CADM2: variants seen among roughly 807,000 people sequenced by gnomAD.
The protein encoded by CADM2 is cell adhesion molecule 2.
A neutral mutation model predicts 49.8 loss-of-function variants in CADM2; 12 were observed. That is an observed-to-expected ratio of 0.24 (90% confidence interval 0.15 to 0.39). The LOEUF (loss-of-function observed/expected upper bound fraction) is 0.39, where lower values mean the gene tolerates loss of function less well. Among genes scored for constraint, CADM2 ranks in the 10% least tolerant of loss-of-function variants. The probability of loss-of-function intolerance (pLI) is 1.00; values close to 1 mark genes in which losing one functional copy is unlikely to be tolerated. For missense variants in CADM2, 378 were observed against 492.3 expected (o/e 0.77, Z 2.20); for synonymous variants, 214 against 175.4 (o/e 1.22, Z -1.74).
intron 1 of CADM2, among the ~76,000 whole-genome samples, chr3:85,447,819 T>C (rs1188307314): frequency 1.3e-5 from 2 of 152,192 alleles, no homozygotes; most frequent in African/African-American, 4.8e-5. Flanking sequence ...TCCATCTCTA[T>C]GCAATTCTGG....
Position 85,685,615 on chromosome 3 carries a change from CTTTTTT to C in CADM2, c.62-40892_62-40887del, listed in dbSNP as rs59277971. On this transcript the variant is annotated intron_variant, in intron 1 of 9. Transcript: ENST00000383699. ...AACAATTGAAACATTTTCTTTCTTT[CTTTTTT>C]TTTTTTTTTTTTTTGTTTTTAAGAC... Among the ~76,000 whole-genome samples the C allele has an allele frequency of 5.5e-3, 666 of 122,006 alleles. 4 individuals are homozygous for C. The highest frequency in any genetic ancestry group is 0.019 in the African/African-American group (646 of 34,134). 80.0% of individuals were successfully genotyped at this position (122,006 alleles called of 152,430 possible). A position where few individuals can be genotyped will look rare whatever the true frequency, so the allele number is the denominator to read the frequency against.
At chr3:85,250,183 A>G (rs1326761331) in intron 1 of CADM2, among the ~76,000 whole-genome samples, 1 of 151,686 alleles carries the variant, frequency 6.6e-6, no homozygotes, top group East Asian at 1.9e-4. Flanking sequence ...TTGCTGAGTA[A>G]AATATTTTCA....
chr3:85,337,323 A>T (rs1411164788), intron 1 of CADM2, among the ~76,000 whole-genome samples: 1 of 151,202 alleles, frequency 6.6e-6, no homozygotes, highest in Non-Finnish European at 1.5e-5. Flanking sequence ...GGGCAAAAAG[A>T]AAGACAATTT....
At chr3:85,923,127 C>A (rs980419681) in intron 6 of CADM2, among the ~76,000 whole-genome samples, 7 of 151,882 alleles carry the variant, frequency 4.6e-5, no homozygotes, top group Non-Finnish European at 1.0e-4. Flanking sequence ...CCGGCCGAAA[C>A]TAAAATATAT....
intron 1 of CADM2, among the ~76,000 whole-genome samples, chr3:85,286,721 C>T (rs1431893821): frequency 6.6e-6 from 1 of 152,074 alleles, no homozygotes; most frequent in Non-Finnish European, 1.5e-5. Flanking sequence ...TTTGATTATG[C>T]AAGCCAAATA....
chr3:85,528,571 T>G (rs1289324937), intron 1 of CADM2, among the ~76,000 whole-genome samples: 1 of 152,206 alleles, frequency 6.6e-6, no homozygotes, highest in African/African-American at 2.4e-5. Flanking sequence ...AACCCTCTTC[T>G]AACCATAGCT....
At chr3:85,093,427 G>T (rs1404920490) in intron 1 of CADM2, among the ~76,000 whole-genome samples, 1 of 150,724 alleles carries the variant, frequency 6.6e-6, no homozygotes, top group African/African-American at 2.4e-5. Context: ...AGGAGAATCA[G>T]AATCGTTTGA....
chr3:85,111,554 CT>C (rs1055492350), intron 1 of CADM2, among the ~76,000 whole-genome samples: 1 of 151,590 alleles, frequency 6.6e-6, no homozygotes, highest in Non-Finnish European at 1.5e-5. Context: ...TTTGTGGGAT[CT>C]AAAAATCAAA....
chr3:84,994,940 T>G (rs2033095815), intron 1 of CADM2, among the ~76,000 whole-genome samples: 2 of 152,010 alleles, frequency 1.3e-5, no homozygotes, highest in South Asian at 2.1e-4. Flanking sequence ...GGCAGGAGAA[T>G]CATGTGAACC....
In CADM2 at chr3:85,289,442, T is replaced by C. The variant is rs556131874; in HGVS notation, c.61+329774T>C. On this transcript the variant is annotated intron_variant, in intron 1 of 9. Transcript: ENST00000383699. ...ATGATATTTGAGTCTAGAACTTGAC[T>C]CTATGCTTGCAATAGACTGTTAAGA... Among the ~76,000 whole-genome samples, 5 of 152,340 alleles carry C rather than the reference T, an allele frequency of 3.3e-5. No homozygotes were observed. In the South Asian group the frequency reaches 8.3e-4, roughly 25 times the overall value.
intron 1 of CADM2, among the ~76,000 whole-genome samples, chr3:85,309,615 G>A (rs1330605772): frequency 6.6e-6 from 1 of 152,072 alleles, no homozygotes; most frequent in Non-Finnish European, 1.5e-5. Context: ...TATTATAAGG[G>A]TTTCTAACAA....
chr3:85,323,435 A>G (rs72903225), intron 1 of CADM2, among the ~76,000 whole-genome samples: 4,766 of 152,126 alleles, frequency 0.031, 269 homozygotes, highest in African/African-American at 0.11. Context: ...GTAAGCTCCA[A>G]TTTCCTTTGC....
chr3:85,142,530 A>G (rs2039608979), intron 1 of CADM2, among the ~76,000 whole-genome samples: 1 of 152,324 alleles, frequency 6.6e-6, no homozygotes, highest in Admixed American at 6.5e-5. Flanking sequence ...TGCTTACAAT[A>G]TGTGTATAAT....
Position 85,090,122 on chromosome 3 carries a change from T to G in CADM2, c.61+130454T>G, listed in dbSNP as rs78704414. On this transcript the variant is annotated intron_variant, in intron 1 of 9. Coordinates refer to ENST00000383699, the MANE Select transcript of CADM2 (RefSeq NM_001167675.2). The stretch of plus-strand genomic sequence containing the variant: ...CATTTATATACAAAAAAAAGGCGTA[T>G]TTTGAACATATGAGTTTATATAAAA... Among the ~76,000 whole-genome samples, 45 of 152,298 alleles carry G rather than the reference T, an allele frequency of 3.0e-4. 2 individuals are homozygous for G. In the East Asian group the frequency reaches 8.7e-3, roughly 29 times the overall value.
chr3:85,916,137 C>T (rs1385965776), intron 6 of CADM2, among the ~76,000 whole-genome samples: 1 of 152,042 alleles, frequency 6.6e-6, no homozygotes, highest in Non-Finnish European at 1.5e-5. Flanking sequence ...ATTAATCATA[C>T]ATTTAAATAC....
At chr3:86,009,209 ATG>A (rs4053703) in intron 8 of CADM2, among the ~76,000 whole-genome samples, 1 of 143,404 alleles carries the variant, frequency 7.0e-6, no homozygotes, top group Non-Finnish European at 1.5e-5. Flanking sequence ...ATATATGTGT[ATG>A]TGTGTGTATA....
At chr3:85,175,590 A>C (rs1412647597) in intron 1 of CADM2, among the ~76,000 whole-genome samples, 1 of 152,102 alleles carries the variant, frequency 6.6e-6, no homozygotes, top group Non-Finnish European at 1.5e-5. Flanking sequence ...TGGTGGGAGG[A>C]GAGAATGGGG....
In CADM2 at chr3:86,073,823, T is replaced by TATCC. The variant is rs1194239764; in HGVS notation, c.*7047_*7050dup. On this transcript the variant is annotated 3_prime_UTR_variant, in exon 10 of 10. Transcript: ENST00000383699. ...ATACCTTTTTTTCAACTTCATACAT[T>TATCC]ATCCATCCATTTTAGTTTTCCTCGA... is the stretch of plus-strand genomic sequence containing the variant. The TATCC allele has an allele frequency of 3.3e-5, 5 of 152,014 alleles. No individual in the cohort carries two copies. The highest frequency in any genetic ancestry group is 1.2e-4 in the African/African-American group (5 of 41,440). The allele number at this position is 152,014 out of a possible 1,614,324, so 9.4% of individuals were successfully genotyped here. A position where few individuals can be genotyped will look rare whatever the true frequency, so the allele number is the denominator to read the frequency against.
chr3:85,836,263 GA>G (rs994735497), intron 3 of CADM2, among the ~76,000 whole-genome samples: 22 of 151,532 alleles, frequency 1.5e-4, no homozygotes, highest in East Asian at 9.8e-4. Context: ...AAGAGTTCTG[GA>G]AAAAAGCCCA....
Sources: allele counts gnomAD v4.1 joint callset (sites outside exome capture counted in the v4.1 genomes callset), GRCh38; gene constraint gnomAD v4.1.1; transcripts MANE v1.5; gene names NCBI Gene and HGNC (gene_info 2026-07-23, HGNC 2026-07-21).